PRKG1: variants seen among roughly 807,000 people sequenced by gnomAD.
The protein encoded by PRKG1 is protein kinase cGMP-dependent 1, also known as cGMP-dependent protein kinase 1.
PRKG1 carries 35 observed loss-of-function variants against 88.1 expected under a neutral mutation model. The observed-to-expected ratio is 0.40, with a 90% CI of 0.30 to 0.53. PRKG1 has a LOEUF of 0.53. PRKG1 is among the 20% of genes least tolerant of loss of function. The pLI, the probability that PRKG1 is intolerant of heterozygous loss-of-function variation, is 0.59. For missense variants in PRKG1, 540 were observed against 839.8 expected (o/e 0.64, Z 4.41); for synonymous variants, 303 against 292.5 (o/e 1.04, Z -0.37).
intron 3 of PRKG1, among the ~76,000 whole-genome samples, chr10:51,778,391 T>A (rs1838496798): frequency 6.6e-6 from 1 of 152,184 alleles, no homozygotes; most frequent in Admixed American, 6.5e-5. Flanking sequence ...CTACCAGTGC[T>A]ACTGACCAGC....
intron 2 of PRKG1, among the ~76,000 whole-genome samples, chr10:51,393,217 C>G (rs1837483499): frequency 6.6e-6 from 1 of 151,406 alleles, no homozygotes; most frequent in South Asian, 2.1e-4. Context: ...CCTCACATCC[C>G]AGACAGGGCG....
intron 2 of PRKG1, among the ~76,000 whole-genome samples, chr10:51,447,851 G>T (rs1241789873): frequency 1.3e-5 from 2 of 151,998 alleles, no homozygotes; most frequent in African/African-American, 4.8e-5. Context: ...TGTCTAGTTA[G>T]AATATTCCAG....
intron 1 of PRKG1, among the ~76,000 whole-genome samples, chr10:51,002,973 C>A (rs1284488046): frequency 6.6e-6 from 1 of 152,066 alleles, no homozygotes; most frequent in Non-Finnish European, 1.5e-5. Flanking sequence ...CAATAAGATG[C>A]TTTTATAAAA....
intron 3 of PRKG1, among the ~76,000 whole-genome samples, chr10:51,658,092 C>G (rs932387096): frequency 1.3e-5 from 2 of 152,052 alleles, no homozygotes; most frequent in African/African-American, 4.8e-5. Flanking sequence ...AACATGAGAT[C>G]CTTGGAAGCA....
rs539666818 is a variant in PRKG1, at chr10:52,144,697, G to A, written c.1001+10792G>A. 2.0e-4 allele frequency among the ~76,000 whole-genome samples: 30 copies of A among 147,816 alleles called. 2 individuals carry two copies. The South Asian group carries it at 6.1e-3, about 30-fold the overall frequency. ...CCTAGCATGGTGGCACACACCTGTAGTCCCAGCTACTTGGGAAGCTGAGGC... is the reference window on the plus strand; with the variant it reads ...CCTAGCATGGTGGCACACACCTGTAATCCCAGCTACTTGGGAAGCTGAGGC... On this transcript the variant is annotated intron_variant, in intron 8 of 17. Coordinates refer to ENST00000373980, the MANE Select transcript of PRKG1 (RefSeq NM_006258.4).
At chr10:51,786,373 G>A (rs1017317835) in intron 3 of PRKG1, among the ~76,000 whole-genome samples, 12 of 151,388 alleles carry the variant, frequency 7.9e-5, no homozygotes, top group African/African-American at 2.9e-4. Flanking sequence ...AAGGAAATAA[G>A]GAAATAGGAT....
chr10:52,232,000 G>A (rs1840535333), intron 9 of PRKG1, among the ~76,000 whole-genome samples: 1 of 152,132 alleles, frequency 6.6e-6, no homozygotes, highest in African/African-American at 2.4e-5. Flanking sequence ...TTTCTTTGCT[G>A]GTGCTTTGAT....
chr10:51,547,244 T>G (rs1343447576), intron 3 of PRKG1, among the ~76,000 whole-genome samples: 1 of 152,138 alleles, frequency 6.6e-6, no homozygotes, highest in East Asian at 1.9e-4. Flanking sequence ...TCTGCAAGGA[T>G]GTTTCCCTAT....
At chr10:51,916,020 G>A (rs1249038216) in intron 5 of PRKG1, among the ~76,000 whole-genome samples, 2 of 152,138 alleles carry the variant, frequency 1.3e-5, no homozygotes, top group African/African-American at 2.4e-5. Flanking sequence ...GGAAAATGGT[G>A]TGCCTTCTTT....
At chr10:51,844,733 G>A (rs1015642187) in intron 4 of PRKG1, among the ~76,000 whole-genome samples, 1 of 152,076 alleles carries the variant, frequency 6.6e-6, no homozygotes, top group Admixed American at 6.6e-5. Flanking sequence ...TTAAAACTGG[G>A]CAGGTCAATA....
chr10:52,216,004 A>G (rs1030402938), intron 9 of PRKG1, among the ~76,000 whole-genome samples: 4 of 152,152 alleles, frequency 2.6e-5, no homozygotes, highest in Non-Finnish European at 5.9e-5. Flanking sequence ...AAAGTGGCTA[A>G]GGAGACAATG....
chr10:51,247,601 G>T (rs371072832), intron 2 of PRKG1, among the ~76,000 whole-genome samples: 3 of 152,028 alleles, frequency 2.0e-5, no homozygotes, highest in East Asian at 1.9e-4. Context: ...AGGACAGGAC[G>T]TTGTTTAACT....
At chr10:52,140,525 T>C (rs1837550639) in intron 8 of PRKG1, among the ~76,000 whole-genome samples, 1 of 152,176 alleles carries the variant, frequency 6.6e-6, no homozygotes, top group African/African-American at 2.4e-5. Flanking sequence ...CTGCACCTCT[T>C]AATTCCACTC....
At chr10:52,014,685 G>C (rs901578201) in intron 5 of PRKG1, among the ~76,000 whole-genome samples, 6 of 152,176 alleles carry the variant, frequency 3.9e-5, no homozygotes, top group African/African-American at 1.4e-4. Flanking sequence ...TTCTAACTAA[G>C]AGCCTGTAAA....
chr10:51,012,720 A>T (rs1026542977), intron 1 of PRKG1, among the ~76,000 whole-genome samples: 1 of 152,276 alleles, frequency 6.6e-6, no homozygotes, highest in Admixed American at 6.5e-5. Context: ...AGTAATAGAG[A>T]CAAACAAATG....
intron 2 of PRKG1, among the ~76,000 whole-genome samples, chr10:51,358,789 A>G (rs919453432): frequency 5.9e-5 from 9 of 151,920 alleles, no homozygotes; most frequent in African/African-American, 2.2e-4. Context: ...CTTGTTCACT[A>G]TGGATGTGGG....
At chr10:52,128,388 GTTC>G in intron 7 of PRKG1, 1 of 985,330 alleles carries the variant, frequency 1.0e-6, no homozygotes, top group Non-Finnish European at 1.2e-6. Context: ...GAACGCTAGA[GTTC>G]TCTCATAGCC....
intron 14 of PRKG1, among the ~76,000 whole-genome samples, chr10:52,286,211 G>C (rs1003248273): frequency 6.6e-6 from 1 of 151,948 alleles, no homozygotes; most frequent in Non-Finnish European, 1.5e-5. Context: ...TGTGGTATTG[G>C]GAGTGAAGAC....
At chr10:51,172,592 ATGTC>A (rs1837063394) in intron 2 of PRKG1, among the ~76,000 whole-genome samples, 1 of 151,702 alleles carries the variant, frequency 6.6e-6, no homozygotes, top group Non-Finnish European at 1.5e-5. Context: ...CTGTATACCT[ATGTC>A]TGTCTATGTA....
Sources: gnomAD v4.1 joint callset for allele counts (sites outside exome capture counted in the v4.1 genomes callset) on GRCh38, gnomAD v4.1.1 for gene constraint, MANE v1.5 for transcripts, NCBI Gene and HGNC (gene_info 2026-07-23, HGNC 2026-07-21) for gene names.